Variants in HHIPL2 observed in about 807,000 individuals in gnomAD.
HHIPL2 encodes the protein HHIP-like protein 2.
A neutral mutation model predicts 61.0 loss-of-function variants in HHIPL2; 61 were observed. The ratio of observed to expected loss-of-function variants is 1.00; its 90% CI spans 0.81 to 1.24. The LOEUF (loss-of-function observed/expected upper bound fraction) is 1.24, where lower values mean the gene tolerates loss of function less well. Among genes scored for constraint, HHIPL2 ranks in the 50% most tolerant of loss-of-function variants. HHIPL2 has a pLI of 0.00. For missense variants in HHIPL2, 885 were observed against 910.2 expected (o/e 0.97, Z 0.36); for synonymous variants, 343 against 357.4 (o/e 0.96, Z 0.45).
rs545741812 is a variant in HHIPL2, at chr1:222,523,805, T to C, written c.1806-111A>G. On this transcript the variant is annotated intron_variant, in intron 7 of 8. Transcript: ENST00000343410. ...AAGAATTGGGGTCAGCCTTTACTTA[T>C]CCATGGGGATGGGGTAGATGTAACA... 12 of 925,282 alleles carry C rather than the reference T, an allele frequency of 1.3e-5. No individual in the cohort carries two copies. The African/African-American group carries it at 1.8e-4, about 14-fold the overall frequency. 57.3% of individuals were successfully genotyped at this position (925,282 alleles called of 1,614,324 possible).
rs1659362913 is a variant in HHIPL2 at position 222,538,788 on chromosome 1, A to G, written c.1451-14T>C. The G allele has an allele frequency of 6.2e-7, 1 of 1,610,986 alleles. No individual in the cohort carries two copies. Among genetic ancestry groups the G allele is most frequent in the South Asian group, 1.1e-5 (1 of 90,088 alleles). ...GCAGAACATCATCTGTCCAGGAGAG[A>G]GGAAAGAGAGTGAGTGTCGTGGCCT... On this transcript the variant is annotated splice_polypyrimidine_tract_variant and intron_variant, in intron 4 of 8. Transcript: ENST00000343410.
rs1280924143 is a variant in HHIPL2, at chr1:222,547,727, G to A, written c.318C>T (p.Cys106=). Residue 106 remains cysteine, a synonymous_variant, in exon 1 of 9, where the codon TGC becomes TGT. Coordinates refer to ENST00000343410, the MANE Select transcript of HHIPL2 (RefSeq NM_024746.4). ...GCTGGAAGGCACTTTTCACTACCTG[G>A]CAAAGGATGTCTTTAATGTAATCTC... is the stretch of plus-strand genomic sequence containing the variant. ...LCGDYIKDIL[C]QECSPYAAHL... is the part of the protein sequence containing the mutation. 1.9e-6 allele frequency: 3 copies of A among 1,609,812 alleles called. No homozygotes were observed. Among genetic ancestry groups the A allele is most frequent in the Non-Finnish European group, 2.6e-6 (3 of 1,176,398 alleles).
chr1:222,529,870 C>T (rs1325874373), intron 6 of HHIPL2, among the ~76,000 whole-genome samples: 1 of 152,028 alleles, frequency 6.6e-6, no homozygotes, highest in Non-Finnish European at 1.5e-5. Flanking sequence ...GCTCAAGTTC[C>T]AAGTAAAAAG....
At position 222,540,114 on chromosome 1, in the gene HHIPL2, C is replaced by T. The variant is rs1558131156; in HGVS notation, c.1346G>A (p.Arg449Lys). ...CAAAATGAGGTCAACCTCTTCAAACCTGTTCTGGCCCACGTCCCCACAGAA... is the reference window on the plus strand; with the variant it reads ...CAAAATGAGGTCAACCTCTTCAAACTTGTTCTGGCCCACGTCCCCACAGAA... ...RIFCGDVGQNRFEEVDLILKG... is the reference protein window; with the variant it reads ...RIFCGDVGQNKFEEVDLILKG... The change falls in exon 4 of 9, where the codon AGG becomes AAG. Residue 449 changes from arginine (R) to lysine (K), a missense_variant. Arg to Lys is a conservative substitution (Grantham distance 26, BLOSUM62 2). Coordinates refer to ENST00000343410, the MANE Select transcript of HHIPL2 (RefSeq NM_024746.4). 2 of 1,614,268 alleles carry T rather than the reference C, an allele frequency of 1.2e-6. No homozygotes were observed. The highest frequency in any genetic ancestry group is 1.7e-6 in the Non-Finnish European group (2 of 1,180,050).
Position 222,547,876 on chromosome 1 carries a change from G to T in HHIPL2, c.169C>A (p.His57Asn). The T allele has an allele frequency of 1.2e-6, 2 of 1,614,184 alleles. No homozygotes were observed. Among genetic ancestry groups the T allele is most frequent in the Non-Finnish European group, 1.7e-6 (2 of 1,180,036 alleles). ...TCATAGTCAGAGCAAAACTCAAGGTGCAGAGGGGGCTGGAAAGGGGGCCCG... is the reference window on the plus strand; with the variant it reads ...TCATAGTCAGAGCAAAACTCAAGGTTCAGAGGGGGCTGGAAAGGGGGCCCG... ...DYGPPFQPPL[H>N]LEFCSDYESF... is the part of the protein sequence containing the mutation. The change falls in exon 1 of 9, where the codon CAC (histidine) becomes AAC (asparagine). Residue 57 changes from histidine to asparagine, a missense_variant. Transcript: ENST00000343410.
chr1:222,544,446 A>G (rs17163186), intron 1 of HHIPL2, among the ~76,000 whole-genome samples: 50,502 of 152,066 alleles, frequency 0.33, 8,805 homozygotes, highest in East Asian at 0.51. Context: ...TTGACATTTA[A>G]AGTTTTATTA....
intron 5 of HHIPL2, among the ~76,000 whole-genome samples, 176 bp from the exon 6 acceptor site, chr1:222,532,287 C>G (rs1319472376): frequency 6.6e-6 from 1 of 152,216 alleles, no homozygotes; most frequent in Admixed American, 6.5e-5. Context: ...CAATCACCCA[C>G]TTGCCCTAGA....
chr1:222,538,435 G>T (rs538986858), intron 5 of HHIPL2, among the ~76,000 whole-genome samples: 1 of 151,386 alleles, frequency 6.6e-6, no homozygotes, highest in South Asian at 2.1e-4. Context: ...GAGAGAGAGA[G>T]AGAGAGAGAG....
chr1:222,540,227 G>T lies in HHIPL2; in HGVS notation c.1233C>A (p.Pro411=). The T allele has an allele frequency of 6.2e-7, 1 of 1,614,270 alleles. No individual in the cohort carries two copies. Among genetic ancestry groups the T allele is most frequent in the Non-Finnish European group, 8.5e-7 (1 of 1,180,044 alleles). The change falls in exon 4 of 9, where the codon CCC becomes CCA. Residue 411 remains proline (P), a synonymous_variant. Transcript: ENST00000343410. The stretch of plus-strand genomic sequence containing the variant: ...TCCTGATCCCATAGGCATAGATGGC[G>T]GGGTGGGCCCCTGGCTCAGAAACAA... ...NPFVSEPGAH[P]AIYAYGIRNM...
At chr1:222,528,328 CG>C (rs1272697708) in intron 6 of HHIPL2, among the ~76,000 whole-genome samples, 10 of 152,144 alleles carry the variant, frequency 6.6e-5, no homozygotes, top group East Asian at 1.9e-4. Context: ...ATAACCAGGC[CG>C]GGCGCGGTAG....
At chr1:222,544,498 T>C (rs1170860981) in intron 1 of HHIPL2, among the ~76,000 whole-genome samples, 2 of 152,178 alleles carry the variant, frequency 1.3e-5, no homozygotes, top group African/African-American at 4.8e-5. Context: ...TTACTAAATT[T>C]CTAGATCTCT....
At chr1:222,547,672 A>G in intron 1 of HHIPL2, 52 bp downstream of exon 1, 1 of 1,509,708 alleles carries the variant, frequency 6.6e-7, no homozygotes, top group East Asian at 2.3e-5. Context: ...CAGGACCCAC[A>G]CCATGCAGCC....
intron 5 of HHIPL2, among the ~76,000 whole-genome samples, chr1:222,534,586 A>AT (rs1659261363): frequency 2.0e-5 from 3 of 149,788 alleles, no homozygotes; most frequent in Admixed American, 6.9e-5. Flanking sequence ...CTAAAAAAAA[A>AT]AAAAAAAAAA....
chr1:222,542,276 C>T, intron 2 of HHIPL2, 121 bp from the exon 3 acceptor site: 1 of 1,130,500 alleles, frequency 8.8e-7, no homozygotes, highest in Non-Finnish European at 1.3e-6. Context: ...CCAAGACCTG[C>T]TTCTGAGTTT....
Position 222,532,141 on chromosome 1 carries a change from G to A in HHIPL2, c.1578-30C>T, listed in dbSNP as rs139585324. 7,643 of 1,595,888 alleles carry A rather than the reference G, an allele frequency of 4.8e-3. 43 individuals carry two copies. The highest frequency in any genetic ancestry group is 8.8e-3 in the Middle Eastern group (53 of 5,990). On this transcript the variant is annotated intron_variant, in intron 5 of 8. Transcript: ENST00000343410. ...ACAAAAAATAAACCCTTATGTTTAGGAATCCATATATCCACTCTGCAGAAT... is the reference window on the plus strand; with the variant it reads ...ACAAAAAATAAACCCTTATGTTTAGAAATCCATATATCCACTCTGCAGAAT...
At position 222,544,112 on chromosome 1, in the gene HHIPL2, G is replaced by A; in HGVS notation, c.399C>T (p.Cys133=). 6.2e-7 allele frequency: 1 copy of A among 1,614,118 alleles called. No individual in the cohort carries two copies. Among genetic ancestry groups the A allele is most frequent in the Non-Finnish European group, 8.5e-7 (1 of 1,180,042 alleles). ...QTPLRNLPGL[C]SDYCSAFHSN... is the part of the protein sequence containing the mutation. ...AATGGAAGGCAGAGCAGTAATCAGA[G>A]CAGAGGCCCGGGAGATTCCGGAGAG... Residue 133 remains cysteine, a synonymous_variant, in exon 2 of 9, where the codon TGC becomes TGT. Coordinates refer to ENST00000343410, the MANE Select transcript of HHIPL2 (RefSeq NM_024746.4).
chr1:222,536,055 C>T (rs1382696083), intron 5 of HHIPL2, among the ~76,000 whole-genome samples: 1 of 151,538 alleles, frequency 6.6e-6, no homozygotes, highest in African/African-American at 2.4e-5. Flanking sequence ...GATGAAAGGT[C>T]TCAGATCAAT....
chr1:222,540,310 C>A lies in HHIPL2; in HGVS notation c.1150G>T (p.Asp384Tyr), dbSNP rs765130055. The A allele has an allele frequency of 9.3e-6, 15 of 1,611,170 alleles. No individual in the cohort carries two copies. The East Asian group carries it at 2.0e-4, about 22-fold the overall frequency. The change falls in exon 4 of 9, where the codon GAT becomes TAT. Residue 384 changes from aspartate (D) to tyrosine (Y), a missense_variant. Transcript: ENST00000343410. ...SSLLGKVLRI[D>Y]VNRAGSHGKR... ...CCATGTGAGCCTGCCCTGTTCACAT[C>A]GATCCTTAAAACTTTTCCCAGCAGG...
intron 2 of HHIPL2, among the ~76,000 whole-genome samples, chr1:222,542,373 C>CT (rs1373517739): frequency 6.1e-5 from 8 of 132,214 alleles, no homozygotes; most frequent in Admixed American, 1.7e-4. Flanking sequence ...TTTCCTTTGT[C>CT]TTTTTTTTTT....
Sources: allele counts gnomAD v4.1 joint callset (sites outside exome capture counted in the v4.1 genomes callset), GRCh38; gene constraint gnomAD v4.1.1; transcripts MANE v1.5; gene names NCBI Gene and HGNC (gene_info 2026-07-23, HGNC 2026-07-21).